The following SLC9A9 variants were observed in gnomAD, a reference collection of about 807,000 sequenced individuals.
The protein encoded by SLC9A9 is sodium/hydrogen exchanger 9.
Under a neutral mutation model 77.8 loss-of-function variants are expected in SLC9A9, and 62 were observed. The observed-to-expected ratio is 0.80, with a 90% CI of 0.65 to 0.98. The LOEUF is 0.98. Ranked by LOEUF, SLC9A9 falls within the 50% of genes least tolerant of loss-of-function variation. The probability of loss-of-function intolerance (pLI) is 0.00; values close to 1 mark genes in which losing one functional copy is unlikely to be tolerated. For synonymous variants in SLC9A9, 320 were observed against 283.5 expected (o/e 1.13, Z -1.29); for missense variants, 775 against 774.9 (o/e 1.00, Z 0.00).
chr3:143,699,491 G>C (rs1183940195), intron 4 of SLC9A9, among the ~76,000 whole-genome samples: 1 of 152,140 alleles, frequency 6.6e-6, no homozygotes, highest in Non-Finnish European at 1.5e-5. Context: ...AGTGTAGCAT[G>C]GATAAAGAGA....
chr3:143,757,057 A>G (rs2006949726), intron 4 of SLC9A9, among the ~76,000 whole-genome samples: 1 of 152,196 alleles, frequency 6.6e-6, no homozygotes, highest in Non-Finnish European at 1.5e-5. Context: ...AATTCATATC[A>G]GAGTACAAGA....
chr3:143,313,103 G>A (rs1374609924), intron 14 of SLC9A9: 3 of 152,182 alleles, frequency 2.0e-5, no homozygotes, highest in African/African-American at 7.2e-5. Context: ...TGGAAAACAA[G>A]TACCATGCCA....
chr3:143,293,952 A>G (rs1426345921), intron 14 of SLC9A9, among the ~76,000 whole-genome samples: 2 of 152,240 alleles, frequency 1.3e-5, no homozygotes, highest in Non-Finnish European at 2.9e-5. Flanking sequence ...TCTCATACAC[A>G]TCTATAAAAA....
intron 2 of SLC9A9, among the ~76,000 whole-genome samples, chr3:143,800,921 C>T (rs939601555): frequency 2.0e-5 from 3 of 152,194 alleles, no homozygotes; most frequent in African/African-American, 4.8e-5. Flanking sequence ...CTCTCCCTGC[C>T]GATTGTGTCC....
chr3:143,474,162 A>G (rs943949651), intron 11 of SLC9A9, among the ~76,000 whole-genome samples: 2 of 152,146 alleles, frequency 1.3e-5, no homozygotes, highest in African/African-American at 4.8e-5. Context: ...GAGGCAGGCC[A>G]ATGCCTGGTG....
rs141620663 is a variant in SLC9A9, at chr3:143,304,333, G to T, written c.1605-35353C>A. ...TCTGAGCCATCCAAGAAACACCCAC[G>T]TTAATGGCTGTGCCTAGGAGGCGCA... On this transcript the variant is annotated intron_variant, in intron 14 of 15. Coordinates refer to ENST00000316549, the MANE Select transcript of SLC9A9 (RefSeq NM_173653.4). 4.6e-5 allele frequency among the ~76,000 whole-genome samples: 7 copies of T among 152,294 alleles called. No homozygotes were observed. The South Asian group carries it at 1.5e-3, about 32-fold the overall frequency.
chr3:143,726,722 C>T (rs1051874919), intron 4 of SLC9A9, among the ~76,000 whole-genome samples: 1 of 142,562 alleles, frequency 7.0e-6, no homozygotes, highest in African/African-American at 2.5e-5. Context: ...AATTAAATAA[C>T]ATCTTCATTG....
chr3:143,827,419 T>C (rs1413980064), intron 2 of SLC9A9, among the ~76,000 whole-genome samples: 2 of 152,244 alleles, frequency 1.3e-5, no homozygotes, highest in African/African-American at 2.4e-5. Flanking sequence ...AATATTTTTT[T>C]TCTTTTCTAC....
intron 2 of SLC9A9, among the ~76,000 whole-genome samples, chr3:143,802,626 G>A (rs561895205): frequency 2.6e-4 from 40 of 152,202 alleles, no homozygotes; most frequent in Admixed American, 1.2e-3. Flanking sequence ...GTCCGATAAC[G>A]GATGAGCCTT....
At chr3:143,765,631 T>C (rs536656644) in intron 4 of SLC9A9, among the ~76,000 whole-genome samples, 12 of 152,344 alleles carry the variant, frequency 7.9e-5, no homozygotes, top group African/African-American at 2.9e-4. Context: ...TGATTGTTGA[T>C]ATAAGTGACC....
chr3:143,279,235 G>A (rs945962595), intron 14 of SLC9A9, among the ~76,000 whole-genome samples: 1 of 152,118 alleles, frequency 6.6e-6, no homozygotes, highest in Non-Finnish European at 1.5e-5. Flanking sequence ...TCTCAGAGCA[G>A]TGCCCCACAT....
At chr3:143,459,770 C>CA (rs1238924523) in intron 12 of SLC9A9, among the ~76,000 whole-genome samples, 1 of 152,044 alleles carries the variant, frequency 6.6e-6, no homozygotes, top group Admixed American at 6.6e-5. Flanking sequence ...GCTAAAAACT[C>CA]AGAGTTTTAA....
At chr3:143,435,576 A>C (rs2034607431) in intron 12 of SLC9A9, among the ~76,000 whole-genome samples, 2 of 152,246 alleles carry the variant, frequency 1.3e-5, no homozygotes, top group Admixed American at 6.5e-5. Flanking sequence ...GGAGCAAGGA[A>C]AAATGTCTTC....
At chr3:143,676,701 C>A (rs1266333946) in intron 5 of SLC9A9, among the ~76,000 whole-genome samples, 2 of 152,150 alleles carry the variant, frequency 1.3e-5, no homozygotes, top group East Asian at 3.9e-4. Flanking sequence ...CACGCCACTG[C>A]ACTCCAGCCT....
intron 9 of SLC9A9, among the ~76,000 whole-genome samples, chr3:143,533,476 G>A (rs1458385463): frequency 2.0e-5 from 3 of 152,084 alleles, no homozygotes; most frequent in South Asian, 2.1e-4. Flanking sequence ...AGCAGAAGAG[G>A]CTCCAAAAAA....
Position 143,814,509 on chromosome 3 carries a change from G to T in SLC9A9, c.378+17510C>A, listed in dbSNP as rs1400367072. On this transcript the variant is annotated intron_variant, in intron 2 of 15. Coordinates refer to ENST00000316549, the MANE Select transcript of SLC9A9 (RefSeq NM_173653.4). ...TGCAGAAAGCCAGAGAGAGGTGGAG[G>T]ATGAGAAGGAGCTGCCACTCCTTCA... 4.6e-5 allele frequency among the ~76,000 whole-genome samples: 7 copies of T among 152,126 alleles called. No individual in the cohort carries two copies. In the South Asian group the frequency reaches 1.4e-3, roughly 32 times the overall value.
At chr3:143,492,164 C>T (rs1358003470) in intron 11 of SLC9A9, among the ~76,000 whole-genome samples, 1 of 151,852 alleles carries the variant, frequency 6.6e-6, no homozygotes, top group African/African-American at 2.4e-5. Flanking sequence ...TGGTGGCAGG[C>T]GCCTGTAGTC....
chr3:143,329,231 C>T (rs1232449209), intron 14 of SLC9A9, among the ~76,000 whole-genome samples: 2 of 151,980 alleles, frequency 1.3e-5, no homozygotes, highest in African/African-American at 4.8e-5. Flanking sequence ...GTTTTTTGTC[C>T]GTTGAAGGTG....
At chr3:143,621,420 C>G (rs985431599) in intron 6 of SLC9A9, among the ~76,000 whole-genome samples, 6 of 152,182 alleles carry the variant, frequency 3.9e-5, no homozygotes, top group African/African-American at 1.4e-4. Context: ...GACAAAACTT[C>G]CAGAGGAACG....
Sources: allele counts gnomAD v4.1 joint callset (sites outside exome capture counted in the v4.1 genomes callset), GRCh38; gene constraint gnomAD v4.1.1; transcripts MANE v1.5; gene names NCBI Gene and HGNC (gene_info 2026-07-23, HGNC 2026-07-21).